Variants in TMEM178B observed in about 807,000 individuals in gnomAD.
TMEM178B encodes transmembrane protein 178B.
Under a neutral mutation model 31.0 loss-of-function variants are expected in TMEM178B, and 5 were observed. The observed-to-expected ratio is 0.16, with a 90% CI of 0.08 to 0.34. TMEM178B has a LOEUF of 0.34. Among genes scored for constraint, TMEM178B ranks in the 10% least tolerant of loss-of-function variants. TMEM178B has a pLI of 1.00. For missense variants in TMEM178B, 275 were observed against 400.3 expected (o/e 0.69, Z 2.67); for synonymous variants, 164 against 164.0 (o/e 1.00, Z 0.00).
chr7:141,411,504 G>T (rs140992056), intron 2 of TMEM178B, among the ~76,000 whole-genome samples: 130 of 152,274 alleles, frequency 8.5e-4, no homozygotes, highest in African/African-American at 2.9e-3. Context: ...ATGAGCATTT[G>T]TAAAAAACCA....
chr7:141,423,806 T>G (rs1028811766), intron 2 of TMEM178B, among the ~76,000 whole-genome samples: 7 of 38,894 alleles, frequency 1.8e-4, no homozygotes, highest in African/African-American at 4.8e-4. Context: ...GACATTTGTG[T>G]TTTTTTTTTT....
chr7:141,344,578 TC>T lies in TMEM178B; in HGVS notation c.497-93028del, dbSNP rs1563157414. Among the ~76,000 whole-genome samples, 7 of 18,610 alleles carry T rather than the reference TC, an allele frequency of 3.8e-4. No homozygotes were observed. Among genetic ancestry groups the T allele is most frequent in the African/African-American group, 1.3e-3 (7 of 5,380 alleles). 12.2% of individuals were successfully genotyped at this position (18,610 alleles called of 152,430 possible). ...CTCCCTCCATTCCTCCCTCCTCCCTTCCTTCCTTCCTTCCTTCCTTCCTTCC... is the reference window on the plus strand; with the variant it reads ...CTCCCTCCATTCCTCCCTCCTCCCTTCTTCCTTCCTTCCTTCCTTCCTTCC... On this transcript the variant is annotated intron_variant, in intron 2 of 3. Coordinates refer to ENST00000565468, the MANE Select transcript of TMEM178B (RefSeq NM_001195278.2). The surrounding 1 kb of genome is among the most constrained non-coding windows in gnomAD (Gnocchi z 4.1).
chr7:141,331,955 G>A (rs541213099), intron 2 of TMEM178B, among the ~76,000 whole-genome samples: 4 of 152,242 alleles, frequency 2.6e-5, no homozygotes, highest in South Asian at 2.1e-4. Flanking sequence ...TCTCCCTTTG[G>A]AACATTGCCT....
At chr7:141,488,824 G>GAA in the TMEM178B span, among the ~76,000 whole-genome samples, 777 of 137,928 alleles carry the variant, frequency 5.6e-3, 1 homozygote, top group Non-Finnish European at 9.1e-3. Flanking sequence ...AGTCATTTTA[G>GAA]AAAAAAAAAA....
chr7:141,084,793 T>A (rs141563568), intron 1 of TMEM178B, among the ~76,000 whole-genome samples: 2 of 152,324 alleles, frequency 1.3e-5, no homozygotes, highest in East Asian at 3.9e-4. Context: ...AGAGATCGTA[T>A]ATTCATGATG....
At chr7:141,288,568 C>A (rs778185020) in intron 2 of TMEM178B, among the ~76,000 whole-genome samples, 7 of 152,080 alleles carry the variant, frequency 4.6e-5, no homozygotes, top group Non-Finnish European at 8.8e-5. Context: ...TCTGGCATCT[C>A]TCTTACATCT....
rs948329912 is a variant in TMEM178B, at chr7:141,295,149, C to T, written c.496+82445C>T. Among the ~76,000 whole-genome samples the T allele has an allele frequency of 2.0e-5, 3 of 152,192 alleles. No individual in the cohort carries two copies. In the South Asian group the frequency reaches 6.2e-4, roughly 32 times the overall value. ...CTTGAAATATGACAGATGTCTGCAC[C>T]TGCACGCTTGCTCTGCTATTCTGTG... On this transcript the variant is annotated intron_variant, in intron 2 of 3. Coordinates refer to ENST00000565468, the MANE Select transcript of TMEM178B (RefSeq NM_001195278.2).
In TMEM178B at chr7:141,389,304, A is replaced by G. The variant is rs540892416; in HGVS notation, c.497-48304A>G. The stretch of plus-strand genomic sequence containing the variant: ...AGAAGGGAAAGGGTATCTGTTCTCT[A>G]TTACCAGCTTGCCACAATGAGTAAG... On this transcript the variant is annotated intron_variant, in intron 2 of 3. Transcript: ENST00000565468. 6.4e-4 allele frequency among the ~76,000 whole-genome samples: 97 copies of G among 152,234 alleles called. 1 individual carries two copies. In the South Asian group the frequency reaches 0.019, roughly 29 times the overall value.
At chr7:141,452,173 C>A (rs924484971) in intron 3 of TMEM178B, among the ~76,000 whole-genome samples, 1 of 152,216 alleles carries the variant, frequency 6.6e-6, no homozygotes, top group Non-Finnish European at 1.5e-5. Context: ...ACAAATGAAT[C>A]TGGAACATGT....
chr7:141,100,532 C>T (rs1014571082), intron 1 of TMEM178B, among the ~76,000 whole-genome samples: 1 of 152,092 alleles, frequency 6.6e-6, no homozygotes, highest in African/African-American at 2.4e-5. Flanking sequence ...CAGTCTGGCT[C>T]CCTAATCATC....
intron 3 of TMEM178B, among the ~76,000 whole-genome samples, chr7:141,456,317 A>G (rs986913878): frequency 3.3e-5 from 5 of 152,186 alleles, no homozygotes; most frequent in African/African-American, 1.2e-4. Context: ...TAAAGGGATC[A>G]TGATCCAGAG....
chr7:141,352,998 G>A (rs1799761283), intron 2 of TMEM178B, among the ~76,000 whole-genome samples: 1 of 152,132 alleles, frequency 6.6e-6, no homozygotes, highest in Admixed American at 6.5e-5. Context: ...AAATTATTTA[G>A]CATTGTTTCT....
At chr7:141,495,970 A>T in the TMEM178B span, among the ~76,000 whole-genome samples, 1 of 152,210 alleles carries the variant, frequency 6.6e-6, no homozygotes, top group Non-Finnish European at 1.5e-5. Context: ...GTTCCTAACC[A>T]TTCACAGCCT....
chr7:141,373,888 AAG>A (rs1800163355), intron 2 of TMEM178B, among the ~76,000 whole-genome samples: 1 of 152,202 alleles, frequency 6.6e-6, no homozygotes, highest in East Asian at 1.9e-4. Context: ...AATTTTGTGA[AAG>A]AGGACTCACA....
chr7:141,169,214 T>C (rs887830447), intron 1 of TMEM178B, among the ~76,000 whole-genome samples: 3 of 152,228 alleles, frequency 2.0e-5, no homozygotes, highest in African/African-American at 7.2e-5. Flanking sequence ...CACCATCCGA[T>C]AGGCCCCAGT....
At chr7:141,386,160 C>T (rs1237924055) in intron 2 of TMEM178B, among the ~76,000 whole-genome samples, 1 of 152,174 alleles carries the variant, frequency 6.6e-6, no homozygotes, top group African/African-American at 2.4e-5. Context: ...GCTTTGCTCC[C>T]ATCTTCTGGG....
At chr7:141,231,830 T>C in intron 2 of TMEM178B, among the ~76,000 whole-genome samples, 1 of 152,230 alleles carries the variant, frequency 6.6e-6, no homozygotes, top group Non-Finnish European at 1.5e-5. Flanking sequence ...CCGGGGCACA[T>C]GTGCACGATG....
At chr7:141,421,396 C>T (rs569589112) in intron 2 of TMEM178B, among the ~76,000 whole-genome samples, 5 of 152,310 alleles carry the variant, frequency 3.3e-5, no homozygotes, top group African/African-American at 1.2e-4. Flanking sequence ...TCCTCTGCCT[C>T]GTAGCATGGC....
At chr7:141,387,244 A>G (rs567726803) in intron 2 of TMEM178B, among the ~76,000 whole-genome samples, 2 of 152,340 alleles carry the variant, frequency 1.3e-5, no homozygotes, top group Non-Finnish European at 2.9e-5. Context: ...ACATAGCTTT[A>G]TTGAGCATGT....
Sources: gnomAD v4.1 joint callset for allele counts (sites outside exome capture counted in the v4.1 genomes callset) on GRCh38, gnomAD v4.1.1 for gene constraint, Gnocchi (gnomAD v3.1) non-coding constraint, MANE v1.5 for transcripts, NCBI Gene and HGNC (gene_info 2026-07-23, HGNC 2026-07-21) for gene names.